Variants in GAS7 observed in about 807,000 individuals in gnomAD.
The protein encoded by GAS7 is growth arrest-specific protein 7.
In GAS7, 28 loss-of-function variants were observed where a neutral mutation model predicts 71.1. The observed-to-expected ratio is 0.39, with a 90% CI of 0.29 to 0.54. GAS7 has a LOEUF of 0.54. Ranked by LOEUF, GAS7 falls within the 20% of genes least tolerant of loss-of-function variation. GAS7 has a pLI of 0.62. For missense variants in GAS7, 436 were observed against 627.8 expected, an observed-to-expected ratio of 0.69 and a Z score of 3.27; for synonymous variants, 258 against 245.8, an observed-to-expected ratio of 1.05 and a Z score of -0.46.
intron 2 of GAS7, among the ~76,000 whole-genome samples, chr17:10,012,139 AT>A (rs1269147314): frequency 6.6e-6 from 1 of 152,220 alleles, no homozygotes; most frequent in African/African-American, 2.4e-5. Context: ...CCATCTATCT[AT>A]ACTGGCTTCA....
At chr17:10,116,021 G>T (rs909303711) in intron 1 of GAS7, among the ~76,000 whole-genome samples, 3 of 152,176 alleles carry the variant, frequency 2.0e-5, no homozygotes, top group Non-Finnish European at 4.4e-5. Flanking sequence ...TCAAAATGAG[G>T]TTGGGTTGGC....
At chr17:10,013,030 G>C (rs2071838434) in intron 2 of GAS7, among the ~76,000 whole-genome samples, 1 of 151,512 alleles carries the variant, frequency 6.6e-6, no homozygotes, top group Admixed American at 6.6e-5. Flanking sequence ...TTGAATCCAG[G>C]AGATGGAGGT....
intron 1 of GAS7, among the ~76,000 whole-genome samples, chr17:10,076,150 TGGGAAAGGGAAGGGGAAA>T (rs1184937863): frequency 1.5e-5 from 1 of 67,280 alleles, no homozygotes; most frequent in East Asian, 4.6e-4. Context: ...AGGGGGGGAA[TGGGAAAGGGAAGGGGAAA>T]GGGAAAGGGA....
At chr17:10,048,460 A>G (rs1205877501) in intron 1 of GAS7, among the ~76,000 whole-genome samples, 1 of 152,180 alleles carries the variant, frequency 6.6e-6, no homozygotes, top group Middle Eastern at 3.2e-3. Context: ...AAAGCTCCAT[A>G]CAGCAGGGAT....
chr17:9,927,461 C>T (rs528865102), intron 9 of GAS7, among the ~76,000 whole-genome samples: 24 of 150,328 alleles, frequency 1.6e-4, no homozygotes, highest in African/African-American at 5.6e-4. Flanking sequence ...GCCTGGGTGA[C>T]AGAGTGAGAC....
intron 1 of GAS7, among the ~76,000 whole-genome samples, chr17:10,030,247 C>T (rs1267269757): frequency 6.6e-6 from 1 of 152,168 alleles, no homozygotes; most frequent in Non-Finnish European, 1.5e-5. Flanking sequence ...GAATCCTGAG[C>T]CCTGGAATCC....
intron 1 of GAS7, among the ~76,000 whole-genome samples, chr17:10,188,672 G>T (rs865975152): frequency 6.6e-6 from 1 of 152,042 alleles, no homozygotes; most frequent in African/African-American, 2.4e-5. Context: ...AGAGTCTCAC[G>T]CTTTCACTCA....
At chr17:10,024,174 G>A (rs560971305) in intron 1 of GAS7, among the ~76,000 whole-genome samples, 2 of 152,160 alleles carry the variant, frequency 1.3e-5, no homozygotes, top group African/African-American at 2.4e-5. Context: ...TGCCTTCTGC[G>A]AAGGCAGAAG....
intron 2 of GAS7, among the ~76,000 whole-genome samples, chr17:10,011,867 T>A (rs1185091672): frequency 6.6e-6 from 1 of 151,402 alleles, no homozygotes; most frequent in East Asian, 1.9e-4. Flanking sequence ...TCCCAGCTAC[T>A]AGGGAGGCTG....
chr17:10,055,109 G>C (rs1035471078), intron 1 of GAS7, among the ~76,000 whole-genome samples: 2 of 152,196 alleles, frequency 1.3e-5, no homozygotes, highest in African/African-American at 4.8e-5. Flanking sequence ...GAACGGAGGA[G>C]GAAGCCAGCC....
intron 2 of GAS7, among the ~76,000 whole-genome samples, chr17:9,984,729 A>G (rs1376678341): frequency 1.3e-5 from 2 of 152,216 alleles, no homozygotes. Context: ...GCTGGGAAAG[A>G]GCATTAATTG....
At chr17:10,190,536 T>G (rs2074490462) in intron 1 of GAS7, among the ~76,000 whole-genome samples, 1 of 148,318 alleles carries the variant, frequency 6.7e-6, no homozygotes. Context: ...GCCAAGATCG[T>G]GCCTTTACAC....
At chr17:10,062,295 G>A (rs1279638849) in intron 1 of GAS7, among the ~76,000 whole-genome samples, 2 of 152,222 alleles carry the variant, frequency 1.3e-5, no homozygotes, top group Non-Finnish European at 2.9e-5. Flanking sequence ...GACCAGCCTG[G>A]CCAACGTGGC....
chr17:10,132,595 G>A (rs567593933), intron 1 of GAS7, among the ~76,000 whole-genome samples: 1 of 152,050 alleles, frequency 6.6e-6, no homozygotes, highest in Non-Finnish European at 1.5e-5. Context: ...GCGAAACCCC[G>A]TCTCTACTAA....
chr17:9,950,574 G>A (rs1314742237), intron 5 of GAS7, among the ~76,000 whole-genome samples: 1 of 152,140 alleles, frequency 6.6e-6, no homozygotes, highest in Non-Finnish European at 1.5e-5. Flanking sequence ...AAGGCACCTT[G>A]TGGCAGCGTG....
intron 8 of GAS7, among the ~76,000 whole-genome samples, chr17:9,936,667 C>A (rs981364404): frequency 6.6e-6 from 1 of 152,164 alleles, no homozygotes; most frequent in Non-Finnish European, 1.5e-5. Flanking sequence ...CTTACAAATT[C>A]TCTCATTTGA....
intron 9 of GAS7, 81 bp downstream of exon 9, chr17:9,934,085 A>C (rs1469002086): frequency 5.2e-6 from 5 of 959,998 alleles, no homozygotes; most frequent in African/African-American, 1.6e-5. Flanking sequence ...GGCAAACGGC[A>C]AACTGGAGAG....
rs570052692 is a variant in GAS7, at chr17:9,952,241, A to G, written c.526-5258T>C. ...AAGGTCCAGGGACCACACTTTGAGA[A>G]CCAGCATTCGTGATCCATTTAGCAG... On this transcript the variant is annotated intron_variant, in intron 5 of 13. Coordinates refer to ENST00000432992, the MANE Select transcript of GAS7 (RefSeq NM_201433.2). Among the ~76,000 whole-genome samples, 6 of 152,318 alleles carry G rather than the reference A, an allele frequency of 3.9e-5. No individual in the cohort carries two copies. The South Asian group carries it at 1.2e-3, about 32-fold the overall frequency.
At position 10,026,195 on chromosome 17, in the gene GAS7, G is replaced by C; in HGVS notation, c.184-6298C>G. On this transcript the variant is annotated intron_variant, in intron 1 of 13. Transcript: ENST00000432992. This position sits in a 1 kb window ranked among gnomAD's most constrained non-coding sequence, Gnocchi z 4.5. ...AAACGCTACTCGCTGGTGTTAATGG[G>C]TGGTCGTCAGACACTCGCTTTAGCA... The C allele has an allele frequency of 1.0e-6, 1 of 985,374 alleles. No individual in the cohort carries two copies. The highest frequency in any genetic ancestry group is 1.2e-6 in the Non-Finnish European group (1 of 829,912). The allele number at this position is 985,374 out of a possible 1,614,324, so 61.0% of individuals were successfully genotyped here.
Sources: allele counts gnomAD v4.1 joint callset (sites outside exome capture counted in the v4.1 genomes callset), GRCh38; gene constraint gnomAD v4.1.1; non-coding constraint Gnocchi (gnomAD v3.1); transcripts MANE v1.5; gene names NCBI Gene and HGNC (gene_info 2026-07-23, HGNC 2026-07-21).